FUT8: variants seen among roughly 807,000 people sequenced by gnomAD.
The protein encoded by FUT8 is fucosyltransferase 8.
A neutral mutation model predicts 71.3 loss-of-function variants in FUT8; 29 were observed. The ratio of observed to expected loss-of-function variants is 0.41; its 90% CI spans 0.30 to 0.55. FUT8 has a LOEUF of 0.55. Among genes scored for constraint, FUT8 ranks in the 20% least tolerant of loss-of-function variants. FUT8 has a pLI of 0.34. For missense variants in FUT8, 544 were observed against 702.1 expected (o/e 0.77, Z 2.55); for synonymous variants, 254 against 239.3 (o/e 1.06, Z -0.57).
chr14:65,400,251 C>T, the FUT8 span, among the ~76,000 whole-genome samples: 1 of 152,166 alleles, frequency 6.6e-6, no homozygotes, highest in Non-Finnish European at 1.5e-5. Context: ...TGCCCCAAAT[C>T]TCATTAATCT....
At chr14:65,531,299 A>G (rs1196493029) in intron 2 of FUT8, among the ~76,000 whole-genome samples, 4 of 152,088 alleles carry the variant, frequency 2.6e-5, no homozygotes, top group African/African-American at 9.7e-5. Flanking sequence ...TGCTTACAAT[A>G]TTTGAGTTCC....
intron 5 of FUT8, among the ~76,000 whole-genome samples, chr14:65,618,043 A>G (rs893011825): frequency 1.1e-4 from 13 of 120,778 alleles, no homozygotes; most frequent in East Asian, 2.8e-4. Context: ...ATATATATAT[A>G]TATATATATA....
At chr14:65,695,543 G>A (rs977966192) in intron 7 of FUT8, among the ~76,000 whole-genome samples, 1 of 152,044 alleles carries the variant, frequency 6.6e-6, no homozygotes, top group East Asian at 1.9e-4. Flanking sequence ...GAAATTGGTA[G>A]AGCTACTCTA....
intron 2 of FUT8, among the ~76,000 whole-genome samples, chr14:65,460,542 C>A (rs1485583395): frequency 6.6e-6 from 1 of 152,102 alleles, no homozygotes; most frequent in African/African-American, 2.4e-5. Flanking sequence ...GGTACTCTGT[C>A]TATGCTATTG....
At chr14:65,411,202 C>T (rs932553694), upstream of FUT8, 1 of 152,186 alleles carries the variant, frequency 6.6e-6, no homozygotes, top group Admixed American at 6.5e-5. Flanking sequence ...AATGATGACA[C>T]CCAAACTGAG....
At chr14:65,361,466 A>G in the FUT8 span, among the ~76,000 whole-genome samples, 1 of 151,508 alleles carries the variant, frequency 6.6e-6, no homozygotes, top group East Asian at 1.9e-4. Flanking sequence ...AACCTTACTG[A>G]CTCATAGAAA....
rs531432672 is a variant in FUT8 at position 65,712,294 on chromosome 14, ACATT to A, written c.836-9477_836-9474del. On this transcript the variant is annotated intron_variant, in intron 7 of 10. Transcript: ENST00000673929. ...TTATAAAGGTGATAGAACATCAGTAACATTCATGATTTATGGAAATTTAATTCTG... is the reference window on the plus strand; with the variant it reads ...TTATAAAGGTGATAGAACATCAGTAACATGATTTATGGAAATTTAATTCTG... 1.9e-4 allele frequency among the ~76,000 whole-genome samples: 29 copies of A among 152,368 alleles called. No homozygotes were observed. The East Asian group carries it at 5.4e-3, about 28-fold the overall frequency.
chr14:65,372,186 C>CT, the FUT8 span, among the ~76,000 whole-genome samples: 2 of 152,178 alleles, frequency 1.3e-5, no homozygotes. Flanking sequence ...ATTCTTTTCT[C>CT]TCCCCCTTTG....
intron 7 of FUT8, among the ~76,000 whole-genome samples, chr14:65,692,149 A>G (rs1893647104): frequency 6.6e-6 from 1 of 151,806 alleles, no homozygotes; most frequent in Admixed American, 6.6e-5. Flanking sequence ...GGCCGGGCAG[A>G]GGGGCTCCTC....
chr14:65,572,635 A>G (rs1465685108), intron 3 of FUT8, among the ~76,000 whole-genome samples: 1 of 152,158 alleles, frequency 6.6e-6, no homozygotes, highest in Non-Finnish European at 1.5e-5. Context: ...TATAATGTAC[A>G]TTCTCTTTCT....
intron 7 of FUT8, among the ~76,000 whole-genome samples, chr14:65,683,248 C>T (rs1385378696): frequency 6.6e-6 from 1 of 152,018 alleles, no homozygotes; most frequent in Non-Finnish European, 1.5e-5. Context: ...CTCCTGACCT[C>T]GTGATCCGCC....
intron 3 of FUT8, among the ~76,000 whole-genome samples, chr14:65,594,482 A>T (rs536244636): frequency 1.3e-3 from 194 of 152,186 alleles, no homozygotes; most frequent in South Asian, 4.4e-3. Flanking sequence ...TCAGTGTGTT[A>T]TCAGCTCAGT....
rs1225879693 is a variant in FUT8, at chr14:65,650,727, A to C, written c.598-18516A>C. The stretch of plus-strand genomic sequence containing the variant: ...AATTACAAAAAAAAAAAAAAAAAAA[A>C]AACAAAAAAAACCACAAACTTGTAA... On this transcript the variant is annotated intron_variant, in intron 6 of 10. Coordinates refer to ENST00000673929, the MANE Select transcript of FUT8 (RefSeq NM_001371533.1). 2.7e-3 allele frequency among the ~76,000 whole-genome samples: 387 copies of C among 141,042 alleles called. 4 individuals are homozygous for C. The highest frequency in any genetic ancestry group is 9.1e-3 in the African/African-American group (365 of 39,894). The allele number at this position is 141,042 out of a possible 152,430, so 92.5% of individuals were successfully genotyped here. A position where few individuals can be genotyped will look rare whatever the true frequency, so the allele number is the denominator to read the frequency against.
Position 65,742,164 on chromosome 14 carries a change from T to C in FUT8, c.1482T>C (p.Asp494=). ...PDASANFHSL[D]DIYYFGGQNA... Reference sequence around the variant, plus strand: ...CCTCTGCAAACTTCCATTCTTTAGATGACATCTACTATTTTGGGGGCCAGA... The same window carrying C: ...CCTCTGCAAACTTCCATTCTTTAGACGACATCTACTATTTTGGGGGCCAGA... Residue 494 remains aspartate, a synonymous_variant, in exon 11 of 11, where the codon GAT becomes GAC. Coordinates refer to ENST00000673929, the MANE Select transcript of FUT8 (RefSeq NM_001371533.1). 1 of 1,613,174 alleles carries C rather than the reference T, an allele frequency of 6.2e-7. No homozygotes were observed. Among genetic ancestry groups the C allele is most frequent in the Admixed American group, 1.7e-5 (1 of 59,880 alleles).
intron 3 of FUT8, among the ~76,000 whole-genome samples, chr14:65,587,722 A>T (rs1887468251): frequency 6.6e-6 from 1 of 152,218 alleles, no homozygotes; most frequent in South Asian, 2.1e-4. Flanking sequence ...TCTGGGGCTT[A>T]GAGTTGCACA....
chr14:65,462,999 A>G (rs1010292641), intron 2 of FUT8, among the ~76,000 whole-genome samples: 4 of 152,178 alleles, frequency 2.6e-5, no homozygotes, highest in African/African-American at 9.7e-5. Flanking sequence ...AAATTGTACT[A>G]AGTGTTTTCA....
chr14:65,620,460 A>G (rs8019762), intron 5 of FUT8, among the ~76,000 whole-genome samples: 105,252 of 152,050 alleles, frequency 0.69, 36,706 homozygotes, highest in East Asian at 0.89. Context: ...ATGTAACAAA[A>G]GAAATGACTG....
At chr14:65,601,542 A>G (rs1888287988) in intron 3 of FUT8, among the ~76,000 whole-genome samples, 2 of 152,154 alleles carry the variant, frequency 1.3e-5, no homozygotes, top group African/African-American at 2.4e-5. Context: ...TTCTTTATAG[A>G]TTGTTTAAAA....
At chr14:65,468,773 C>G (rs1358266873) in intron 2 of FUT8, among the ~76,000 whole-genome samples, 1 of 152,032 alleles carries the variant, frequency 6.6e-6, no homozygotes, top group African/African-American at 2.4e-5. Context: ...CTCGCCTCCC[C>G]TCTTCACTGT....
Sources: gnomAD v4.1 joint callset for allele counts (sites outside exome capture counted in the v4.1 genomes callset) on GRCh38, gnomAD v4.1.1 for gene constraint, MANE v1.5 for transcripts, NCBI Gene and HGNC (gene_info 2026-07-23, HGNC 2026-07-21) for gene names.